The following OTOGL variants were observed in gnomAD, a reference collection of about 807,000 sequenced individuals.
OTOGL encodes the protein otogelin like.
Under a neutral mutation model 318.5 loss-of-function variants are expected in OTOGL, and 285 were observed. The ratio of observed to expected loss-of-function variants is 0.89; its 90% CI spans 0.81 to 0.99. OTOGL has a LOEUF of 0.99. Among genes scored for constraint, OTOGL ranks in the 50% least tolerant of loss-of-function variants. The probability of loss-of-function intolerance (pLI) is 0.00; values close to 1 mark genes in which losing one functional copy is unlikely to be tolerated. For synonymous variants in OTOGL, 987 were observed against 936.5 expected (o/e 1.05, Z -0.99); for missense variants, 2,899 against 2,845.6 (o/e 1.02, Z -0.43).
chr12:80,146,384 A>C (rs889220058), intron 1 of OTOGL, among the ~76,000 whole-genome samples: 6 of 150,552 alleles, frequency 4.0e-5, no homozygotes, highest in African/African-American at 1.5e-4. Flanking sequence ...ATATTGAACC[A>C]GCCTTGCATC....
Position 80,211,952 on chromosome 12 carries a change from C to T in OTOGL, c.123C>T (p.Asn41=), listed in dbSNP as rs182902509. The T allele has an allele frequency of 2.7e-5, 42 of 1,568,550 alleles. No individual in the cohort carries two copies. The East Asian group carries it at 4.6e-4, about 17-fold the overall frequency. Residue 41 remains asparagine, a synonymous_variant, in exon 4 of 59, where the codon AAC becomes AAT. Coordinates refer to ENST00000547103, the MANE Select transcript of OTOGL (RefSeq NM_001378609.3). The stretch of plus-strand genomic sequence containing the variant: ...AGTTCTTTTTGTTTTCTTCCAGAAA[C>T]GGGTTTAATGAAAATCGACAGAAAA... ...ASSILMGTSK[N]GFNENRQKRA...
intron 14 of OTOGL, among the ~76,000 whole-genome samples, chr12:80,253,865 TG>T (rs941548633): frequency 2.8e-4 from 42 of 152,272 alleles, no homozygotes; most frequent in African/African-American, 9.4e-4. Context: ...TAGAACTTGA[TG>T]GTGCTTCTGG....
chr12:80,294,177 T>C (rs1885229454), intron 26 of OTOGL, among the ~76,000 whole-genome samples: 1 of 152,098 alleles, frequency 6.6e-6, no homozygotes, highest in Admixed American at 6.6e-5. Context: ...TAATATTAAC[T>C]TGAAATACAT....
chr12:80,158,674 A>G (rs1170228308), intron 1 of OTOGL, among the ~76,000 whole-genome samples: 1 of 152,028 alleles, frequency 6.6e-6, no homozygotes, highest in Non-Finnish European at 1.5e-5. Flanking sequence ...ATTTGTGTAC[A>G]TTAATTTTGT....
intron 38 of OTOGL, 72 bp from the exon 39 acceptor site, chr12:80,335,891 T>C: frequency 7.5e-7 from 1 of 1,337,968 alleles, no homozygotes; most frequent in Non-Finnish European, 9.9e-7. Flanking sequence ...GCAATATGAA[T>C]GTGGAATTTA....
At chr12:80,340,743 T>C (rs775727288) in intron 43 of OTOGL, among the ~76,000 whole-genome samples, 9 of 152,128 alleles carry the variant, frequency 5.9e-5, no homozygotes, top group Non-Finnish European at 1.3e-4. Flanking sequence ...TTCTAGTGAG[T>C]AAGACTGTTA....
At chr12:80,295,043 T>C (rs1231529960) in intron 26 of OTOGL, among the ~76,000 whole-genome samples, 1 of 151,542 alleles carries the variant, frequency 6.6e-6, no homozygotes, top group Non-Finnish European at 1.5e-5. Context: ...CTGCAGTGAC[T>C]CATGATCATG....
At chr12:80,270,251 G>T in intron 23 of OTOGL, 97 bp downstream of exon 23, 2 of 984,280 alleles carry the variant, frequency 2.0e-6, no homozygotes, top group Non-Finnish European at 3.1e-6. Context: ...TTCCCAATGT[G>T]CATGGCTATA....
At chr12:80,348,026 T>C (rs746023322) in intron 44 of OTOGL, among the ~76,000 whole-genome samples, 3 of 152,226 alleles carry the variant, frequency 2.0e-5, no homozygotes, top group Non-Finnish European at 4.4e-5. Flanking sequence ...TATTAGCCCT[T>C]TGTCAGATGG....
At chr12:80,167,522 T>G (rs1371037039) in intron 1 of OTOGL, among the ~76,000 whole-genome samples, 1 of 152,166 alleles carries the variant, frequency 6.6e-6, no homozygotes, top group East Asian at 1.9e-4. Flanking sequence ...TAAATAAAAG[T>G]GAGATAGATA....
chr12:80,116,305 A>G (rs936973151), intron 1 of OTOGL, among the ~76,000 whole-genome samples: 5 of 151,892 alleles, frequency 3.3e-5, no homozygotes, highest in African/African-American at 1.2e-4. Context: ...TAGGGGAGAG[A>G]GTTCCCCGAC....
intron 11 of OTOGL, among the ~76,000 whole-genome samples, chr12:80,249,737 G>A (rs1881316082): frequency 6.6e-6 from 1 of 152,174 alleles, no homozygotes. Flanking sequence ...AGGAAGCCTG[G>A]GCGATGGCGG....
intron 1 of OTOGL, among the ~76,000 whole-genome samples, chr12:80,183,018 A>C (rs1439972932): frequency 2.0e-5 from 3 of 152,206 alleles, no homozygotes; most frequent in Non-Finnish European, 2.9e-5. Context: ...TTTTTGGAAA[A>C]TGTTTATATC....
intron 1 of OTOGL, among the ~76,000 whole-genome samples, chr12:80,203,693 G>C (rs1196143292): frequency 1.3e-5 from 2 of 152,074 alleles, no homozygotes; most frequent in African/African-American, 2.4e-5. Flanking sequence ...TCCATCCTCT[G>C]TTTCTTTCCC....
In OTOGL at chr12:80,355,844, T is replaced by C. The variant is rs775475186; in HGVS notation, c.5702T>C (p.Ile1901Thr). 152 of 1,613,846 alleles carry C rather than the reference T, an allele frequency of 9.4e-5. 1 individual carries two copies. The highest frequency in any genetic ancestry group is 2.8e-4 in the Admixed American group (17 of 60,002). Residue 1901 changes from isoleucine (I) to threonine (T), a missense_variant, in exon 47 of 59, where the codon ATA becomes ACA. By Grantham distance (89) the Ile-to-Thr change is moderately conservative. Around this residue, in one of 3 missense-constraint regions of OTOGL, gnomAD observed 2,607 missense variants for 2,524.9 expected, o/e 1.03. Coordinates refer to ENST00000547103, the MANE Select transcript of OTOGL (RefSeq NM_001378609.3). ...TTGGAGAATGGAAGCATTATCCCTA[T>C]AGAACCTGACTGTGATGAAGAGCCC... Reference protein sequence around the residue: ...KCLENGSIIPIEPDCDEEPTP... With the variant: ...KCLENGSIIPTEPDCDEEPTP...
intron 53 of OTOGL, 94 bp from the exon 54 acceptor site, chr12:80,367,467 C>T: frequency 2.0e-6 from 2 of 976,912 alleles, no homozygotes. Context: ...TGGCACATCG[C>T]AATGAAAACA....
intron 1 of OTOGL, among the ~76,000 whole-genome samples, chr12:80,121,975 A>G (rs1049584523): frequency 1.3e-5 from 2 of 152,200 alleles, no homozygotes; most frequent in African/African-American, 4.8e-5. Flanking sequence ...ATGATGTTGT[A>G]AACACGAGAA....
intron 1 of OTOGL, among the ~76,000 whole-genome samples, chr12:80,175,078 A>AC (rs1321998891): frequency 6.6e-6 from 1 of 152,176 alleles, no homozygotes; most frequent in African/African-American, 2.4e-5. Context: ...CATAGAACAC[A>AC]CAAAGGCACA....
chr12:80,222,270 A>G (rs1592566767), intron 7 of OTOGL, 25 bp downstream of exon 7: 3 of 1,531,824 alleles, frequency 2.0e-6, no homozygotes, highest in East Asian at 2.3e-5. Flanking sequence ...GACATGATTA[A>G]CTTAAAAATA....
Sources: gnomAD v4.1 joint callset for allele counts (sites outside exome capture counted in the v4.1 genomes callset) on GRCh38, gnomAD v4.1.1 for gene constraint, gnomAD v4.1.1 regional missense constraint, MANE v1.5 for transcripts, NCBI Gene and HGNC (gene_info 2026-07-23, HGNC 2026-07-21) for gene names.